CCDC102B: variants seen among roughly 807,000 people sequenced by gnomAD.
The protein encoded by CCDC102B is coiled-coil domain-containing protein 102B.
In CCDC102B, 75 loss-of-function variants were observed where a neutral mutation model predicts 57.4. That is an observed-to-expected ratio of 1.31 (90% confidence interval 1.08 to 1.58). The LOEUF (loss-of-function observed/expected upper bound fraction) is 1.58, where lower values mean the gene tolerates loss of function less well. CCDC102B is among the 40% of genes most tolerant of loss of function. The probability of loss-of-function intolerance (pLI) is 0.00; values close to 1 mark genes in which losing one functional copy is unlikely to be tolerated. For synonymous variants in CCDC102B, 206 were observed against 201.9 expected (o/e 1.02, Z -0.17); for missense variants, 636 against 582.6 (o/e 1.09, Z -0.94).
intron 3 of CCDC102B, among the ~76,000 whole-genome samples, chr18:68,840,252 A>T (rs2037570267): frequency 6.6e-6 from 1 of 152,160 alleles, no homozygotes. Flanking sequence ...TATACACACA[A>T]TGTATTATAT....
Position 68,854,632 on chromosome 18 carries a change from T to C in CCDC102B, c.936+8211T>C, listed in dbSNP as rs137944522. Among the ~76,000 whole-genome samples the C allele has an allele frequency of 5.9e-5, 9 of 152,304 alleles. No individual in the cohort carries two copies. In the East Asian group the frequency reaches 1.7e-3, roughly 29 times the overall value. On this transcript the variant is annotated intron_variant, in intron 4 of 7. Transcript: ENST00000360242. ...CTTGTAATACATGCCTCTTTGCTTATAGGGTGTAATCACCCTGAGGACAGA... is the reference window on the plus strand; with the variant it reads ...CTTGTAATACATGCCTCTTTGCTTACAGGGTGTAATCACCCTGAGGACAGA...
chr18:68,860,771 A>G (rs1211573955), intron 4 of CCDC102B, among the ~76,000 whole-genome samples: 1 of 81,206 alleles, frequency 1.2e-5, no homozygotes, highest in Non-Finnish European at 3.2e-5. Flanking sequence ...TTGTCTCCAC[A>G]GCACTTACCA....
intron 6 of CCDC102B, among the ~76,000 whole-genome samples, chr18:68,977,534 G>A (rs2050470311): frequency 1.3e-5 from 2 of 150,460 alleles, no homozygotes; most frequent in African/African-American, 4.9e-5. Flanking sequence ...TGTTGAGTAG[G>A]TCAACATTTA....
Position 68,734,951 on chromosome 18 carries a change from T to C in CCDC102B, c.-67+18357T>C, listed in dbSNP as rs140685331. On this transcript the variant is annotated intron_variant, in intron 2 of 3. Transcript: ENST00000578970. ...TATCTCTTGCAGCAACTCATTTTAG[T>C]AGTATTTCCTTCATGAAAGTTTATA... 8.1e-4 allele frequency among the ~76,000 whole-genome samples: 124 copies of C among 152,380 alleles called. No individual in the cohort carries two copies. In the East Asian group the frequency reaches 0.016, roughly 19 times the overall value.
At chr18:68,973,584 A>T (rs939600444) in intron 6 of CCDC102B, among the ~76,000 whole-genome samples, 1 of 152,124 alleles carries the variant, frequency 6.6e-6, no homozygotes, top group Non-Finnish European at 1.5e-5. Context: ...CTTATAAAAC[A>T]TCATTACAAA....
intron 7 of CCDC102B, among the ~76,000 whole-genome samples, chr18:69,012,925 C>T (rs1045511261): frequency 1.3e-5 from 2 of 151,908 alleles, no homozygotes; most frequent in African/African-American, 4.8e-5. Context: ...GACACTGCTC[C>T]AATATAAGAA....
intron 6 of CCDC102B, among the ~76,000 whole-genome samples, chr18:68,982,601 G>T (rs667060): frequency 0.14 from 20,725 of 151,602 alleles, 3,194 homozygotes; most frequent in African/African-American, 0.37. Flanking sequence ...CATATGTCAG[G>T]GCAATTTTTA....
At chr18:69,000,722 T>G (rs192629992) in intron 6 of CCDC102B, among the ~76,000 whole-genome samples, 138 of 152,324 alleles carry the variant, frequency 9.1e-4, no homozygotes, top group African/African-American at 3.3e-3. Flanking sequence ...AACAAGAGAA[T>G]GACCCTCAGA....
chr18:68,916,084 A>T (rs1355447818), intron 6 of CCDC102B, among the ~76,000 whole-genome samples: 1 of 152,182 alleles, frequency 6.6e-6, no homozygotes. Flanking sequence ...TCCTTTGTTT[A>T]TTCATGTAGT....
At chr18:68,843,690 A>G (rs879062252) in intron 3 of CCDC102B, among the ~76,000 whole-genome samples, 3 of 152,040 alleles carry the variant, frequency 2.0e-5, no homozygotes, top group Admixed American at 6.6e-5. Context: ...TTTCGTTCTC[A>G]TGAAGAATGT....
chr18:68,738,780 G>T lies in CCDC102B; in HGVS notation c.-67+22186G>T, dbSNP rs181286276. Among the ~76,000 whole-genome samples, 229 of 152,174 alleles carry T rather than the reference G, an allele frequency of 1.5e-3. 1 individual carries two copies. The highest frequency in any genetic ancestry group is 5.4e-3 in the African/African-American group (223 of 41,530). Reference sequence around the variant, plus strand: ...TGATTTAGAAGGATCTCCACACTTTGTTCCCACTCCATGCCTCCCACGCAT... The same window carrying T: ...TGATTTAGAAGGATCTCCACACTTTTTTCCCACTCCATGCCTCCCACGCAT... On this transcript the variant is annotated intron_variant, in intron 2 of 3. Transcript: ENST00000578970.
At chr18:68,961,520 C>A (rs906270080) in intron 6 of CCDC102B, among the ~76,000 whole-genome samples, 2 of 151,772 alleles carry the variant, frequency 1.3e-5, no homozygotes, top group African/African-American at 4.8e-5. Flanking sequence ...ATGCAAATTA[C>A]TAAAATATTA....
chr18:68,866,912 A>G (rs1224047675), intron 4 of CCDC102B: 5 of 576,746 alleles, frequency 8.7e-6, no homozygotes, highest in East Asian at 3.8e-5. Flanking sequence ...CTGGAGTGGG[A>G]TCTCACCCTT....
intron 1 of CCDC102B, chr18:68,715,652 G>T (rs1255647708): frequency 6.6e-6 from 1 of 152,134 alleles, no homozygotes; most frequent in Admixed American, 6.5e-5. Flanking sequence ...TGAAACTTGA[G>T]AACATGAAGT....
At chr18:68,789,522 C>T (rs1210790154) in intron 2 of CCDC102B, among the ~76,000 whole-genome samples, 1 of 150,546 alleles carries the variant, frequency 6.6e-6, no homozygotes, top group East Asian at 1.9e-4. Flanking sequence ...GGAGGCTTTG[C>T]TCATTTCTTT....
intron 1 of CCDC102B, among the ~76,000 whole-genome samples, chr18:68,814,832 C>T (rs2036413236): frequency 6.6e-6 from 1 of 151,904 alleles, no homozygotes; most frequent in Non-Finnish European, 1.5e-5. Flanking sequence ...GAAAAAAAAT[C>T]TCCAATATGT....
At chr18:68,785,710 T>G in intron 2 of CCDC102B, among the ~76,000 whole-genome samples, 1 of 148,672 alleles carries the variant, frequency 6.7e-6, no homozygotes, top group Non-Finnish European at 1.5e-5. Flanking sequence ...TTGAGTTCAT[T>G]GTAGATTCTG....
chr18:68,920,127 C>T (rs535546360), intron 6 of CCDC102B, among the ~76,000 whole-genome samples: 1 of 152,190 alleles, frequency 6.6e-6, no homozygotes, highest in East Asian at 1.9e-4. Flanking sequence ...ACCCTCCACC[C>T]TTCGACAGGC....
intron 2 of CCDC102B, among the ~76,000 whole-genome samples, chr18:68,777,153 C>T (rs1002719425): frequency 3.3e-5 from 5 of 152,200 alleles, no homozygotes; most frequent in Admixed American, 2.6e-4. Context: ...GCTGCAAACT[C>T]GTAACAGGTT....
Sources: gnomAD v4.1 joint callset for allele counts (sites outside exome capture counted in the v4.1 genomes callset) on GRCh38, gnomAD v4.1.1 for gene constraint, MANE v1.5 for transcripts, NCBI Gene and HGNC (gene_info 2026-07-23, HGNC 2026-07-21) for gene names.